BANK1: variants seen among roughly 807,000 people sequenced by gnomAD.
BANK1 encodes the protein B-cell scaffold protein with ankyrin repeats.
BANK1 carries 95 observed loss-of-function variants against 94.5 expected under a neutral mutation model. The ratio of observed to expected loss-of-function variants is 1.00; its 90% CI spans 0.85 to 1.19. The LOEUF (loss-of-function observed/expected upper bound fraction) is 1.19, where lower values mean the gene tolerates loss of function less well. Ranked by LOEUF, BANK1 falls within the 50% of genes most tolerant of loss-of-function variation. The pLI is 0.00. For synonymous variants in BANK1, 334 were observed against 308.4 expected, an observed-to-expected ratio of 1.08 and a Z score of -0.87; for missense variants, 987 against 932.2, an observed-to-expected ratio of 1.06 and a Z score of -0.77.
chr4:101,901,391 C>G (rs767219304), intron 6 of BANK1, among the ~76,000 whole-genome samples: 4 of 152,120 alleles, frequency 2.6e-5, no homozygotes, highest in Non-Finnish European at 4.4e-5. Context: ...TAGAACAGGT[C>G]TATGTAAAAT....
intron 9 of BANK1, 134 bp from the exon 10 acceptor site, chr4:102,029,826 C>T (rs79386247): frequency 0.043 from 30,813 of 716,976 alleles, 1,074 homozygotes; most frequent in African/African-American, 0.14. Flanking sequence ...CCTGGAGTCA[C>T]GAGCTCTTCT....
At chr4:101,857,298 T>C (rs4698972) in intron 3 of BANK1, among the ~76,000 whole-genome samples, 84,089 of 152,002 alleles carry the variant, frequency 0.55, 24,544 homozygotes, top group African/African-American at 0.74. Context: ...ATCTTCAAAC[T>C]GTGTTAATTT....
intron 9 of BANK1, among the ~76,000 whole-genome samples, chr4:102,026,163 G>T (rs1041861169): frequency 2.0e-5 from 3 of 152,168 alleles, no homozygotes; most frequent in African/African-American, 7.2e-5. Context: ...TGGGTGTGGG[G>T]AATCTGTCCT....
At chr4:101,792,247 C>G (rs952161222) in intron 1 of BANK1, among the ~76,000 whole-genome samples, 3 of 118,822 alleles carry the variant, frequency 2.5e-5, no homozygotes, top group African/African-American at 8.3e-5. Flanking sequence ...TCCTCCCATG[C>G]ATTCCGCTCC....
chr4:101,846,224 A>G (rs1210104417), intron 2 of BANK1, among the ~76,000 whole-genome samples: 3 of 152,234 alleles, frequency 2.0e-5, no homozygotes, highest in South Asian at 2.1e-4. Flanking sequence ...GCACATATAT[A>G]CCATGGAATA....
intron 14 of BANK1, among the ~76,000 whole-genome samples, chr4:102,071,564 A>G (rs1728763882): frequency 6.6e-6 from 1 of 152,198 alleles, no homozygotes; most frequent in Non-Finnish European, 1.5e-5. Flanking sequence ...TCAACTTACT[A>G]ATTGTGACCT....
At chr4:101,838,728 G>A (rs1436612265) in intron 2 of BANK1, among the ~76,000 whole-genome samples, 3 of 152,190 alleles carry the variant, frequency 2.0e-5, no homozygotes, top group Non-Finnish European at 4.4e-5. Context: ...TGATGATTGA[G>A]CCATTGGAGG....
At chr4:101,873,639 T>A (rs1728382067) in intron 5 of BANK1, among the ~76,000 whole-genome samples, 1 of 152,194 alleles carries the variant, frequency 6.6e-6, no homozygotes, top group Non-Finnish European at 1.5e-5. Context: ...CTAATCTGAA[T>A]GGTTTAATTA....
intron 6 of BANK1, among the ~76,000 whole-genome samples, chr4:101,908,257 C>G (rs1182076896): frequency 2.0e-5 from 3 of 152,178 alleles, no homozygotes; most frequent in Non-Finnish European, 4.4e-5. Context: ...GACCACACAT[C>G]TACAGCCATC....
intron 1 of BANK1, among the ~76,000 whole-genome samples, chr4:101,826,373 C>A (rs893065615): frequency 6.6e-6 from 1 of 152,032 alleles, no homozygotes; most frequent in Non-Finnish European, 1.5e-5. Flanking sequence ...GTTTTCCCAT[C>A]TGTAAAATGA....
Position 101,947,309 on chromosome 4 carries a change from A to ATATATATATATATATATATATATATT in BANK1, c.1206+29123_1206+29124insATATATATATATATATATATATTTAT. Among the ~76,000 whole-genome samples, 2 of 67,894 alleles carry ATATATATATATATATATATATATATT rather than the reference A, an allele frequency of 2.9e-5. 1 individual carries two copies. The highest frequency in any genetic ancestry group is 6.8e-5 in the Non-Finnish European group (2 of 29,616). The allele number at this position is 67,894 out of a possible 152,430, so 44.5% of individuals were successfully genotyped here. On this transcript the variant is annotated intron_variant, in intron 7 of 16. Coordinates refer to ENST00000322953, the MANE Select transcript of BANK1 (RefSeq NM_017935.5). ...AATATATATATATATATATATATAT[A>ATATATATATATATATATATATATATT]TATGTATATGTATTATGTATTATAT...
intron 1 of BANK1, among the ~76,000 whole-genome samples, chr4:101,812,697 T>C (rs1440822721): frequency 1.3e-5 from 2 of 152,044 alleles, no homozygotes; most frequent in African/African-American, 2.4e-5. Context: ...GAGGTTCACA[T>C]TTTTTATTAA....
At chr4:101,878,880 A>C (rs1728581061) in intron 5 of BANK1, among the ~76,000 whole-genome samples, 1 of 152,140 alleles carries the variant, frequency 6.6e-6, no homozygotes, top group African/African-American at 2.4e-5. Flanking sequence ...ATTAAGAAGG[A>C]AACTGAAAAA....
rs367693182 is a variant in BANK1, at chr4:101,830,009, G to C, written c.272G>C (p.Arg91Thr). Reference sequence around the variant, plus strand: ...TTGATATTATCAAATAGCCTGCTTAGAGACCTAACTCCAAAGAAATGTCAG... The same window carrying C: ...TTGATATTATCAAATAGCCTGCTTACAGACCTAACTCCAAAGAAATGTCAG... The part of the protein sequence containing the change: ...KLLILSNSLL[R>T]DLTPKKCQFL... Residue 91 changes from arginine to threonine, a missense_variant, in exon 2 of 17, where the codon AGA (arginine) becomes ACA (threonine). Physicochemically the swap from Arg to Thr is moderately conservative, Grantham distance 71. Coordinates refer to ENST00000322953, the MANE Select transcript of BANK1 (RefSeq NM_017935.5). 3.7e-6 allele frequency: 6 copies of C among 1,613,240 alleles called. No homozygotes were observed. The highest frequency in any genetic ancestry group is 2.7e-5 in the African/African-American group (2 of 74,866).
intron 7 of BANK1, among the ~76,000 whole-genome samples, chr4:101,945,858 C>T (rs984475419): frequency 1.3e-5 from 2 of 151,932 alleles, no homozygotes; most frequent in African/African-American, 4.8e-5. Flanking sequence ...ACATATACTA[C>T]ATACCCCCCA....
intron 6 of BANK1, among the ~76,000 whole-genome samples, chr4:101,908,846 A>C (rs1221016385): frequency 6.6e-6 from 1 of 152,210 alleles, no homozygotes; most frequent in East Asian, 1.9e-4. Context: ...TCAAATCAAA[A>C]CCACAATAAG....
chr4:101,974,578 G>A (rs1725061183), intron 7 of BANK1, among the ~76,000 whole-genome samples: 1 of 152,118 alleles, frequency 6.6e-6, no homozygotes, highest in African/African-American at 2.4e-5. Context: ...TTGTTGTGCA[G>A]TAACAGATTT....
chr4:101,990,808 A>C (rs968860961), intron 7 of BANK1, among the ~76,000 whole-genome samples: 1 of 152,144 alleles, frequency 6.6e-6, no homozygotes, highest in Non-Finnish European at 1.5e-5. Context: ...ATTTAGGCAA[A>C]TTATTTATCT....
At chr4:101,848,772 C>T (rs1274714877) in intron 2 of BANK1, among the ~76,000 whole-genome samples, 1 of 152,196 alleles carries the variant, frequency 6.6e-6, no homozygotes, top group Non-Finnish European at 1.5e-5. Flanking sequence ...TTTTAATATA[C>T]AGCCTCTTTT....
Sources: gnomAD v4.1 joint callset for allele counts (sites outside exome capture counted in the v4.1 genomes callset) on GRCh38, gnomAD v4.1.1 for gene constraint, MANE v1.5 for transcripts, NCBI Gene and HGNC (gene_info 2026-07-23, HGNC 2026-07-21) for gene names.